Variants in NFATC1 observed in about 807,000 individuals in gnomAD.
NFATC1 encodes the protein nuclear factor of activated T-cells, cytoplasmic 1.
In NFATC1, 22 loss-of-function variants were observed where a neutral mutation model predicts 76.0. The observed-to-expected ratio is 0.29, with a 90% CI of 0.21 to 0.41. The LOEUF is 0.41. Ranked by LOEUF, NFATC1 falls within the 10% of genes least tolerant of loss-of-function variation. NFATC1 has a pLI of 1.00. For synonymous variants in NFATC1, 704 were observed against 613.1 expected, an observed-to-expected ratio of 1.15 and a Z score of -2.19; for missense variants, 1,357 against 1,337.7, an observed-to-expected ratio of 1.01 and a Z score of -0.23.
intron 9 of NFATC1, chr18:79,496,569 G>A (rs1300190526): frequency 5.9e-5 from 9 of 152,248 alleles, no homozygotes; most frequent in Non-Finnish European, 8.8e-5. Context: ...AGCAAAGTGC[G>A]TTTCTGCGCA....
intron 3 of NFATC1, among the ~76,000 whole-genome samples, chr18:79,444,682 T>G (rs574385688): frequency 6.6e-6 from 1 of 152,130 alleles, no homozygotes; most frequent in East Asian, 1.9e-4. Flanking sequence ...GGCACCCACG[T>G]GCCCGACCCC....
At chr18:79,478,868 C>T (rs1165651333) in intron 8 of NFATC1, among the ~76,000 whole-genome samples, 8 of 152,208 alleles carry the variant, frequency 5.3e-5, no homozygotes, top group African/African-American at 7.2e-5. Flanking sequence ...GGGACGGGCC[C>T]TCCGTGCCTT....
At chr18:79,466,816 G>A (rs1489152045) in intron 7 of NFATC1, among the ~76,000 whole-genome samples, 1 of 152,194 alleles carries the variant, frequency 6.6e-6, no homozygotes, top group Non-Finnish European at 1.5e-5. Flanking sequence ...CGCGTCTCCA[G>A]GAAGCACCTG....
At chr18:79,438,908 C>T (rs1330913764) in intron 3 of NFATC1, among the ~76,000 whole-genome samples, 2 of 152,232 alleles carry the variant, frequency 1.3e-5, no homozygotes, top group South Asian at 2.1e-4. Flanking sequence ...CCGTAACAGA[C>T]GTTTTTTCTG....
In NFATC1 at chr18:79,411,297, A is replaced by G; in HGVS notation, c.1022A>G (p.Glu341Gly). The part of the protein sequence containing the change: ...VPVKSRKTTL[E>G]QPPSVALKVE... Reference sequence around the variant, plus strand: ...GTCAAGTCCCGCAAGACCACCCTGGAGCAGCCGCCCTCAGTGGCGCTCAAG... The same window carrying G: ...GTCAAGTCCCGCAAGACCACCCTGGGGCAGCCGCCCTCAGTGGCGCTCAAG... The change falls in exon 2 of 10, where the codon GAG (glutamate) becomes GGG (glycine). Residue 341 changes from glutamate to glycine, a missense_variant. By Grantham distance (98) the Glu-to-Gly change is moderately conservative (BLOSUM62 -2). This residue lies in a region of NFATC1 where 691 missense variants were observed against 613.1 expected (regional missense o/e 1.13). Transcript: ENST00000427363. 3 of 1,603,746 alleles carry G rather than the reference A, an allele frequency of 1.9e-6. No individual in the cohort carries two copies. The highest frequency in any genetic ancestry group is 1.7e-4 in the Middle Eastern group (1 of 6,048).
At chr18:79,474,131 G>A (rs867073763) in intron 8 of NFATC1, among the ~76,000 whole-genome samples, 358 of 78,110 alleles carry the variant, frequency 4.6e-3, no homozygotes, top group Middle Eastern at 0.014. Context: ...TCTCACGCTC[G>A]CTGTCGACGT....
At chr18:79,483,141 TTCC>T (rs2089356645) in intron 8 of NFATC1, among the ~76,000 whole-genome samples, 1 of 77,744 alleles carries the variant, frequency 1.3e-5, no homozygotes. Context: ...CGTGACCTGG[TTCC>T]TGGGGTGTAA....
intron 3 of NFATC1, 75 bp downstream of exon 3, chr18:79,433,813 C>A: frequency 6.5e-7 from 1 of 1,544,632 alleles, no homozygotes; most frequent in South Asian, 1.2e-5. Flanking sequence ...CCACAGCTAA[C>A]TGTGCTTAGA....
At chr18:79,479,430 C>T (rs1019588818) in intron 8 of NFATC1, among the ~76,000 whole-genome samples, 6 of 152,252 alleles carry the variant, frequency 3.9e-5, no homozygotes, top group South Asian at 2.1e-4. Flanking sequence ...CTCACTTTCT[C>T]ACTGATAGGA....
intron 1 of NFATC1, among the ~76,000 whole-genome samples, chr18:79,404,511 A>G (rs1409344871): frequency 1.3e-5 from 2 of 152,106 alleles, no homozygotes; most frequent in African/African-American, 4.8e-5. Flanking sequence ...CAATACATTC[A>G]CAGTTGTCAT....
At chr18:79,449,034 C>T (rs751025748) in intron 4 of NFATC1, 50 bp downstream of exon 4, 11 of 1,571,710 alleles carry the variant, frequency 7.0e-6, no homozygotes, top group Admixed American at 3.4e-5. Context: ...TAGGAGGGGG[C>T]GTGCCTCCCT....
At chr18:79,451,577 T>C in intron 5 of NFATC1, 99 bp from the exon 6 acceptor site, 3 of 1,335,006 alleles carry the variant, frequency 2.2e-6, no homozygotes, top group East Asian at 2.8e-5. Flanking sequence ...GTGCTTGCTC[T>C]GGGTGGGTCG....
intron 2 of NFATC1, among the ~76,000 whole-genome samples, chr18:79,414,706 C>G (rs1349807446): frequency 6.6e-6 from 1 of 152,252 alleles, no homozygotes; most frequent in East Asian, 1.9e-4. Flanking sequence ...CTGCTATACC[C>G]CCTAAAAATT....
chr18:79,499,604 T>G (rs1219828847), intron 9 of NFATC1, among the ~76,000 whole-genome samples: 2 of 152,204 alleles, frequency 1.3e-5, no homozygotes, highest in Non-Finnish European at 2.9e-5. Context: ...AAAGACAGAA[T>G]GAAACAGGGT....
rs1467290977 is a variant in NFATC1 at position 79,516,051 on chromosome 18, G to A, written c.2783-11477G>A. 3 of 151,940 alleles carry A rather than the reference G, an allele frequency of 2.0e-5. No homozygotes were observed. The East Asian group carries it at 5.8e-4, about 29-fold the overall frequency. The allele number at this position is 151,940 out of a possible 1,614,324, so 9.4% of individuals were successfully genotyped here. A position where few individuals can be genotyped will look rare whatever the true frequency, so the allele number is the denominator to read the frequency against. ...CCTGTCGGAATCTCCCAGGCACGTG[G>A]TCCTGTACCCTGAACCCTGGCAGTT... On this transcript the variant is annotated intron_variant, in intron 9 of 9. Coordinates refer to ENST00000427363, the MANE Select transcript of NFATC1 (RefSeq NM_001278669.2).
chr18:79,396,188 T>C lies in NFATC1; in HGVS notation c.-37T>C. On this transcript the variant is annotated 5_prime_UTR_variant, in exon 1 of 10. Transcript: ENST00000427363. ...GCGGGGCGGCCGCTTCTCCTGTGCCTCCGCCCGCCGCTCCACTCCCCGCCG... is the reference window on the plus strand; with the variant it reads ...GCGGGGCGGCCGCTTCTCCTGTGCCCCCGCCCGCCGCTCCACTCCCCGCCG... The C allele has an allele frequency of 7.0e-7, 1 of 1,430,110 alleles. No homozygotes were observed. The highest frequency in any genetic ancestry group is 9.3e-7 in the Non-Finnish European group (1 of 1,079,724). The allele number at this position is 1,430,110 out of a possible 1,614,324, so 88.6% of individuals were successfully genotyped here.
chr18:79,397,633 A>C (rs2085051630), intron 1 of NFATC1, among the ~76,000 whole-genome samples: 2 of 152,220 alleles, frequency 1.3e-5, no homozygotes. Flanking sequence ...CTAGTAGCAG[A>C]GTTTAAAAAA....
chr18:79,441,850 T>A (rs2086987643), intron 3 of NFATC1, among the ~76,000 whole-genome samples: 1 of 151,854 alleles, frequency 6.6e-6, no homozygotes, highest in Non-Finnish European at 1.5e-5. Context: ...CCATAGAAGG[T>A]CGAGGTTTCT....
chr18:79,462,657 G>A (rs1195883329), intron 7 of NFATC1, among the ~76,000 whole-genome samples: 1 of 152,192 alleles, frequency 6.6e-6, no homozygotes, highest in Non-Finnish European at 1.5e-5. Flanking sequence ...TGGATTTTTT[G>A]AGTGTTCTGT....
Sources: gnomAD v4.1 joint callset for allele counts (sites outside exome capture counted in the v4.1 genomes callset) on GRCh38, gnomAD v4.1.1 for gene constraint, gnomAD v4.1.1 regional missense constraint, MANE v1.5 for transcripts, NCBI Gene and HGNC (gene_info 2026-07-23, HGNC 2026-07-21) for gene names.